FSTL4: variants seen among roughly 807,000 people sequenced by gnomAD.
FSTL4 encodes the protein follistatin-related protein 4.
A neutral mutation model predicts 78.2 loss-of-function variants in FSTL4; 28 were observed. The ratio of observed to expected loss-of-function variants is 0.36; its 90% confidence interval spans 0.27 to 0.49. The LOEUF is 0.49. FSTL4 is among the 20% of genes least tolerant of loss of function. FSTL4 has a pLI of 0.98. For synonymous variants in FSTL4, 422 were observed against 440.5 expected (o/e 0.96, Z 0.53); for missense variants, 922 against 1,084.9 (o/e 0.85, Z 2.11).
Position 133,225,091 on chromosome 5 carries a change from C to T in FSTL4, c.1312+59G>A. The stretch of plus-strand genomic sequence containing the variant: ...TGGCCCTGGTCAATTGGTGCCCTCC[C>T]TTGCCACCCAACACCTCCCAGCCAG... On this transcript the variant is annotated intron_variant, in intron 10 of 15. Transcript: ENST00000265342. The surrounding 1 kb of genome is among the most constrained non-coding windows in gnomAD (Gnocchi z 4.6). The T allele has an allele frequency of 6.2e-7, 1 of 1,605,060 alleles. No individual in the cohort carries two copies. Among genetic ancestry groups the T allele is most frequent in the Non-Finnish European group, 8.5e-7 (1 of 1,172,866 alleles).
At chr5:133,324,103 G>A (rs1435793238) in intron 4 of FSTL4, among the ~76,000 whole-genome samples, 2 of 152,160 alleles carry the variant, frequency 1.3e-5, no homozygotes, top group South Asian at 2.1e-4. Context: ...ACTTTCTATT[G>A]CAAAACAAAG....
the FSTL4 span, among the ~76,000 whole-genome samples, chr5:133,814,617 C>A: frequency 6.6e-6 from 1 of 152,036 alleles, no homozygotes; most frequent in Non-Finnish European, 1.5e-5. Context: ...ATCTTGCCCT[C>A]ACAAAAAAAT....
chr5:133,794,125 G>A, the FSTL4 span, among the ~76,000 whole-genome samples: 2 of 150,866 alleles, frequency 1.3e-5, no homozygotes, highest in South Asian at 4.2e-4. Context: ...GGGCTCTGCA[G>A]ATGCACTGCC....
At chr5:133,205,024 A>G (rs1439435136) in intron 14 of FSTL4, among the ~76,000 whole-genome samples, 1 of 152,120 alleles carries the variant, frequency 6.6e-6, no homozygotes, top group African/African-American at 2.4e-5. Context: ...TGCATATCCT[A>G]GACTTTCCAG....
At chr5:133,717,984 G>C in the FSTL4 span, among the ~76,000 whole-genome samples, 1 of 152,148 alleles carries the variant, frequency 6.6e-6, no homozygotes, top group Non-Finnish European at 1.5e-5. Flanking sequence ...CTGCCCAACT[G>C]TTTTACAAAG....
At chr5:133,550,152 T>A (rs1018025716) in intron 3 of FSTL4, among the ~76,000 whole-genome samples, 1 of 152,240 alleles carries the variant, frequency 6.6e-6, no homozygotes, top group Non-Finnish European at 1.5e-5. Flanking sequence ...TAGTTCCTGC[T>A]TTCTCACTGA....
At chr5:133,702,036 C>G in the FSTL4 span, among the ~76,000 whole-genome samples, 2 of 152,190 alleles carry the variant, frequency 1.3e-5, no homozygotes, top group African/African-American at 4.8e-5. Context: ...AACCATCCCC[C>G]ACCCCAGACT....
chr5:133,734,559 A>G, the FSTL4 span, among the ~76,000 whole-genome samples: 1 of 152,270 alleles, frequency 6.6e-6, no homozygotes, highest in Non-Finnish European at 1.5e-5. Flanking sequence ...TCTGGGTGAC[A>G]GGCACACGAT....
intron 3 of FSTL4, among the ~76,000 whole-genome samples, chr5:133,409,475 T>C (rs980220381): frequency 1.3e-5 from 2 of 152,062 alleles, no homozygotes; most frequent in Admixed American, 6.6e-5. Context: ...TCCAGAGCTT[T>C]CCCCCCAGCC....
intron 4 of FSTL4, among the ~76,000 whole-genome samples, chr5:133,341,206 T>C (rs995897886): frequency 9.9e-5 from 15 of 151,310 alleles, no homozygotes; most frequent in African/African-American, 1.7e-4. Context: ...AACGTGAATA[T>C]GTTTGAGTTC....
intron 13 of FSTL4, 126 bp downstream of exon 13, chr5:133,217,103 G>T: frequency 1.4e-6 from 1 of 697,162 alleles, no homozygotes; most frequent in Admixed American, 2.6e-5. Flanking sequence ...AATTACACAT[G>T]AATCTTTTCT....
At chr5:133,599,159 G>GTGTTTT (rs1760802546) in intron 2 of FSTL4, among the ~76,000 whole-genome samples, 1 of 152,210 alleles carries the variant, frequency 6.6e-6, no homozygotes, top group East Asian at 1.9e-4. Context: ...AACAGTGAAA[G>GTGTTTT]TGTTTTTGTA....
the FSTL4 span, among the ~76,000 whole-genome samples, chr5:133,695,500 A>T: frequency 1.3e-5 from 2 of 152,290 alleles, no homozygotes; most frequent in African/African-American, 4.8e-5. Flanking sequence ...GTACATAAAC[A>T]TAGTTCCCAC....
At chr5:133,506,928 T>C (rs977942206) in intron 3 of FSTL4, among the ~76,000 whole-genome samples, 1 of 152,210 alleles carries the variant, frequency 6.6e-6, no homozygotes, top group South Asian at 2.1e-4. Flanking sequence ...AAGCAGGCAA[T>C]AGGCCAGGCG....
intron 4 of FSTL4, among the ~76,000 whole-genome samples, chr5:133,328,608 T>TAACA (rs1754271017): frequency 6.6e-6 from 1 of 152,182 alleles, no homozygotes; most frequent in African/African-American, 2.4e-5. Context: ...CTAGATTCCC[T>TAACA]AACAGGTCAG....
At chr5:133,252,077 G>C (rs1020432723) in intron 6 of FSTL4, 1 of 152,282 alleles carries the variant, frequency 6.6e-6, no homozygotes, top group African/African-American at 2.4e-5. Flanking sequence ...GCTGGGACGT[G>C]GGGTGGAAGC....
chr5:133,650,228 T>C, the FSTL4 span, among the ~76,000 whole-genome samples: 2 of 152,134 alleles, frequency 1.3e-5, no homozygotes, highest in Admixed American at 6.5e-5. Flanking sequence ...ACACCTCCCA[T>C]GGGCCCCATC....
intron 3 of FSTL4, among the ~76,000 whole-genome samples, chr5:133,484,381 G>A (rs377714271): frequency 3.9e-5 from 6 of 152,174 alleles, no homozygotes; most frequent in Admixed American, 1.3e-4. Flanking sequence ...TTCTTCACTC[G>A]GTTTTCTTAA....
At chr5:133,797,290 T>C in the FSTL4 span, among the ~76,000 whole-genome samples, 2 of 152,232 alleles carry the variant, frequency 1.3e-5, no homozygotes, top group Non-Finnish European at 2.9e-5. Flanking sequence ...GGTGGATTCA[T>C]GGATTCTTTA....
Sources: gnomAD v4.1 joint callset for allele counts (sites outside exome capture counted in the v4.1 genomes callset) on GRCh38, gnomAD v4.1.1 for gene constraint, Gnocchi (gnomAD v3.1) non-coding constraint, MANE v1.5 for transcripts, NCBI Gene and HGNC (gene_info 2026-07-23, HGNC 2026-07-21) for gene names.